The following THSD7B variants were observed in gnomAD, a reference collection of about 807,000 sequenced individuals.
The protein encoded by THSD7B is thrombospondin type 1 domain containing 7B.
In THSD7B, 138 loss-of-function variants were observed where a neutral mutation model predicts 213.6. That is an observed-to-expected ratio of 0.65 (90% CI 0.56 to 0.74). The LOEUF (loss-of-function observed/expected upper bound fraction) is 0.74. Among genes scored for constraint, THSD7B ranks in the 30% least tolerant of loss-of-function variants. The pLI, the probability that THSD7B is intolerant of heterozygous loss-of-function variation, is 0.00. For synonymous variants in THSD7B, 742 were observed against 687.0 expected, an observed-to-expected ratio of 1.08 and a Z score of -1.25; for missense variants, 1,931 against 1,991.5, an observed-to-expected ratio of 0.97 and a Z score of 0.58.
intron 18 of THSD7B, among the ~76,000 whole-genome samples, chr2:137,616,929 T>A (rs1394241756): frequency 1.3e-5 from 2 of 152,170 alleles, no homozygotes; most frequent in South Asian, 4.1e-4. Context: ...CATTCCATAA[T>A]GCTACAAAAT....
At chr2:137,134,201 A>G (rs533486915) in intron 5 of THSD7B, among the ~76,000 whole-genome samples, 6 of 152,328 alleles carry the variant, frequency 3.9e-5, no homozygotes, top group Non-Finnish European at 7.3e-5. Context: ...TGAAGTCACA[A>G]TGGTAGAGCT....
At chr2:136,932,517 T>TAAC in intron 2 of THSD7B, among the ~76,000 whole-genome samples, 1 of 114,680 alleles carries the variant, frequency 8.7e-6, no homozygotes, top group African/African-American at 2.7e-5. Context: ...ACTGATAACA[T>TAAC]AAACAGTTGA....
intron 5 of THSD7B, among the ~76,000 whole-genome samples, chr2:137,131,780 C>T (rs367968075): frequency 3.0e-4 from 45 of 152,178 alleles, no homozygotes; most frequent in African/African-American, 9.9e-4. Context: ...TTGGTTACTG[C>T]AGCCTTGTAG....
At chr2:137,309,932 G>A (rs1683853020) in intron 12 of THSD7B, among the ~76,000 whole-genome samples, 2 of 151,984 alleles carry the variant, frequency 1.3e-5, no homozygotes, top group Non-Finnish European at 2.9e-5. Context: ...TTGGTTCCAA[G>A]TCTTTGCTAT....
chr2:137,663,397 T>G lies in THSD7B; in HGVS notation c.4473T>G (p.Gly1491=), dbSNP rs1452970425. 2 of 1,583,820 alleles carry G rather than the reference T, an allele frequency of 1.3e-6. No individual in the cohort carries two copies. ...FSYCTQGGVC[G]CEKGYTEIMK... is the part of the protein sequence containing the mutation. ...TTATGCTGTAGGGTGGAGTCTGTGG[T>G]TGTGAGAAGGGCTATACAGAGATAA... Residue 1491 remains glycine, a synonymous_variant, in exon 26 of 28, where the codon GGT becomes GGG. Transcript: ENST00000409968.
intron 12 of THSD7B, among the ~76,000 whole-genome samples, chr2:137,346,976 T>C (rs935072715): frequency 6.6e-6 from 1 of 151,678 alleles, no homozygotes; most frequent in Non-Finnish European, 1.5e-5. Context: ...TATAGTTCTA[T>C]GTTTAACTTT....
intron 15 of THSD7B, among the ~76,000 whole-genome samples, chr2:137,487,171 A>AT (rs1688470820): frequency 6.7e-6 from 1 of 148,878 alleles, no homozygotes; most frequent in Non-Finnish European, 1.5e-5. Context: ...GATTGAGACC[A>AT]TCCTGGCTAA....
intron 2 of THSD7B, among the ~76,000 whole-genome samples, chr2:136,903,925 G>GGTGTGTGTGTGTGT (rs775988420): frequency 1.8e-5 from 2 of 108,724 alleles, no homozygotes; most frequent in African/African-American, 6.8e-5. Flanking sequence ...CTTCCTGTGA[G>GGTGTGTGTGTGTGT]GTGTGTGTGT....
At chr2:137,259,935 G>A (rs181005810) in intron 10 of THSD7B, among the ~76,000 whole-genome samples, 1,657 of 146,256 alleles carry the variant, frequency 0.011, 32 homozygotes, top group African/African-American at 0.039. Flanking sequence ...GGGTGTGTGC[G>A]TGTGTGTGTG....
intron 7 of THSD7B, among the ~76,000 whole-genome samples, chr2:137,229,651 A>G (rs1383768053): frequency 1.3e-5 from 2 of 152,098 alleles, no homozygotes; most frequent in South Asian, 2.1e-4. Context: ...TTGGAATTAG[A>G]CACAGCACGG....
intron 7 of THSD7B, among the ~76,000 whole-genome samples, chr2:137,171,883 T>C (rs1298606004): frequency 6.6e-6 from 1 of 152,150 alleles, no homozygotes; most frequent in Non-Finnish European, 1.5e-5. Flanking sequence ...TACACAGATA[T>C]AGATTTTGTC....
intron 12 of THSD7B, among the ~76,000 whole-genome samples, chr2:137,316,951 A>T (rs1050406872): frequency 6.6e-6 from 1 of 152,124 alleles, no homozygotes; most frequent in African/African-American, 2.4e-5. Flanking sequence ...CTGAGTTGGT[A>T]GGTTCTGACA....
intron 27 of THSD7B, among the ~76,000 whole-genome samples, chr2:137,668,935 CAG>C (rs1195527610): frequency 6.6e-6 from 1 of 152,080 alleles, no homozygotes; most frequent in Non-Finnish European, 1.5e-5. Context: ...CTTATTGTCT[CAG>C]GGGTGGCAGA....
At chr2:136,837,043 C>A (rs1476749171) in intron 1 of THSD7B, among the ~76,000 whole-genome samples, 2 of 152,204 alleles carry the variant, frequency 1.3e-5, no homozygotes, top group African/African-American at 2.4e-5. Flanking sequence ...TTAATCCCAG[C>A]AGGTCACTGC....
chr2:136,949,201 A>C (rs563667062), intron 2 of THSD7B, among the ~76,000 whole-genome samples: 1 of 152,184 alleles, frequency 6.6e-6, no homozygotes, highest in Non-Finnish European at 1.5e-5. Flanking sequence ...GTATCCTGCA[A>C]TTGTGCTTCC....
chr2:137,339,804 G>A (rs1684718972), intron 12 of THSD7B, among the ~76,000 whole-genome samples: 1 of 151,626 alleles, frequency 6.6e-6, no homozygotes, highest in South Asian at 2.1e-4. Flanking sequence ...TCTTTCCTCA[G>A]CTTTTTCTTG....
At chr2:137,455,842 TA>T (rs1687751983) in intron 15 of THSD7B, among the ~76,000 whole-genome samples, 2 of 152,240 alleles carry the variant, frequency 1.3e-5, no homozygotes, top group South Asian at 2.1e-4. Flanking sequence ...TTTTGCTACA[TA>T]TTTTTTTAAA....
intron 12 of THSD7B, among the ~76,000 whole-genome samples, chr2:137,293,468 A>G (rs72975634): frequency 0.025 from 3,730 of 152,062 alleles, 169 homozygotes; most frequent in African/African-American, 0.085. Flanking sequence ...ATTCTGTGAA[A>G]TACCTCATAC....
At chr2:137,116,406 T>C (rs372425713) in intron 5 of THSD7B, among the ~76,000 whole-genome samples, 160 of 152,334 alleles carry the variant, frequency 1.1e-3, no homozygotes, top group African/African-American at 3.7e-3. Context: ...TCCTCTGAAT[T>C]TGTAGAAACA....
Sources: allele counts gnomAD v4.1 joint callset (sites outside exome capture counted in the v4.1 genomes callset), GRCh38; gene constraint gnomAD v4.1.1; transcripts MANE v1.5; gene names NCBI Gene and HGNC (gene_info 2026-07-23, HGNC 2026-07-21).